The following IL1RAPL1 variants were observed in gnomAD, a reference collection of about 807,000 sequenced individuals.
IL1RAPL1 encodes interleukin 1 receptor accessory protein like 1.
Under a neutral mutation model 48.4 loss-of-function variants are expected in IL1RAPL1, and 3 were observed. The ratio of observed to expected loss-of-function variants is 0.06; its 90% CI spans 0.03 to 0.16. The LOEUF (loss-of-function observed/expected upper bound fraction) is 0.16. Among genes scored for constraint, IL1RAPL1 ranks in the 10% least tolerant of loss-of-function variants. The pLI, the probability that IL1RAPL1 is intolerant of heterozygous loss-of-function variation, is 1.00. For missense variants in IL1RAPL1, 349 were observed against 530.6 expected (o/e 0.66, Z 3.36); for synonymous variants, 185 against 187.7 (o/e 0.99, Z 0.12).
Position 29,956,372 on chromosome X carries a change from T to C in IL1RAPL1, c.*552T>C, listed in dbSNP as rs1933423350. 9.6e-6 allele frequency: 1 copy of C among 103,770 alleles called. No individual in the cohort carries two copies. Among genetic ancestry groups the C allele is most frequent in the Admixed American group, 1.0e-4 (1 of 9,605 alleles). The allele number at this position is 103,770 out of a possible 1,213,427, so 8.6% of individuals were successfully genotyped here. A position where few individuals can be genotyped will look rare whatever the true frequency, so the allele number is the denominator to read the frequency against. On this transcript the variant is annotated 3_prime_UTR_variant, in exon 11 of 11. Coordinates refer to ENST00000378993, the MANE Select transcript of IL1RAPL1 (RefSeq NM_014271.4). The stretch of plus-strand genomic sequence containing the variant: ...AAAAGATGAGAAGAACACTTGTTCA[T>C]AGGAGGGCCCCACCAGTCAGAGCCC...
intron 1 of IL1RAPL1, among the ~76,000 whole-genome samples, chrX:28,715,452 C>A (rs1362251446): frequency 8.9e-6 from 1 of 111,771 alleles, no homozygotes; most frequent in African/African-American, 3.3e-5. Flanking sequence ...TTAGAAAGAT[C>A]TCAAGTTAAC....
chrX:29,893,945 CTACG>C (rs1029696255), intron 6 of IL1RAPL1, among the ~76,000 whole-genome samples: 11 of 111,789 alleles, frequency 9.8e-5, no homozygotes, highest in African/African-American at 3.6e-4. Context: ...CCCAATGGTC[CTACG>C]TACTCTGGAA....
chrX:29,741,199 T>G (rs1928187769), intron 6 of IL1RAPL1, among the ~76,000 whole-genome samples: 1 of 112,691 alleles, frequency 8.9e-6, no homozygotes, highest in Non-Finnish European at 1.9e-5. Flanking sequence ...TGTGTTACTT[T>G]ATTCTTTTAG....
At chrX:29,491,904 A>G (rs911921173) in intron 5 of IL1RAPL1, among the ~76,000 whole-genome samples, 1 of 111,309 alleles carries the variant, frequency 9.0e-6, no homozygotes, top group African/African-American at 3.3e-5. Flanking sequence ...TAACTTTACT[A>G]TTTTCTAAAG....
chrX:29,775,980 A>G (rs760681467), intron 6 of IL1RAPL1, among the ~76,000 whole-genome samples: 10 of 110,579 alleles, frequency 9.0e-5, no homozygotes, highest in Admixed American at 2.9e-4. Context: ...TTTGCTCAAT[A>G]ATTTTTTTCT....
intron 2 of IL1RAPL1, among the ~76,000 whole-genome samples, chrX:28,880,470 A>G (rs1922475418): frequency 8.9e-6 from 1 of 112,637 alleles, no homozygotes; most frequent in East Asian, 2.8e-4. Context: ...GAACTCAGAA[A>G]TAACTACCTA....
chrX:29,127,828 G>A (rs1265883429), intron 2 of IL1RAPL1, among the ~76,000 whole-genome samples: 6 of 110,405 alleles, frequency 5.4e-5, no homozygotes, highest in Non-Finnish European at 1.1e-4. Context: ...AGCCAGGCAT[G>A]GTGGCGGGCG....
intron 1 of IL1RAPL1, among the ~76,000 whole-genome samples, chrX:28,636,375 C>T (rs764355733): frequency 1.8e-5 from 2 of 112,074 alleles, no homozygotes; most frequent in East Asian, 5.6e-4. Context: ...AATCAACATA[C>T]ATTCAATTTG....
intron 10 of IL1RAPL1, 27 bp downstream of exon 10, chrX:29,954,719 G>A (rs375296339): frequency 1.0e-4 from 112 of 1,106,780 alleles, no homozygotes; most frequent in South Asian, 1.5e-4. Flanking sequence ...ATTTGAGAGT[G>A]TGCATATTCA....
chrX:29,514,114 AATG>A (rs1247803703), intron 5 of IL1RAPL1, among the ~76,000 whole-genome samples: 1 of 111,664 alleles, frequency 9.0e-6, no homozygotes, highest in Non-Finnish European at 1.9e-5. Flanking sequence ...ACAAAAGAAA[AATG>A]ATAATGATCA....
chrX:29,482,550 C>T lies in IL1RAPL1; in HGVS notation c.703+83242C>T, dbSNP rs143603252. On this transcript the variant is annotated intron_variant, in intron 5 of 10. Coordinates refer to ENST00000378993, the MANE Select transcript of IL1RAPL1 (RefSeq NM_014271.4). Reference sequence around the variant, plus strand: ...AAGAAAAATCAAAGAATAGGATAAACAGTATTTTAAAACATGCTTTCTTAA... The same window carrying T: ...AAGAAAAATCAAAGAATAGGATAAATAGTATTTTAAAACATGCTTTCTTAA... Among the ~76,000 whole-genome samples the T allele has an allele frequency of 4.2e-3, 476 of 112,210 alleles. 4 individuals carry two copies. The highest frequency in any genetic ancestry group is 0.014 in the African/African-American group (442 of 30,956).
intron 2 of IL1RAPL1, among the ~76,000 whole-genome samples, chrX:28,861,057 C>T (rs1921931383): frequency 9.0e-6 from 1 of 110,881 alleles, no homozygotes; most frequent in South Asian, 3.8e-4. Flanking sequence ...AATAATACTA[C>T]TGAAAAAATA....
chrX:29,480,310 A>ATATATG (rs1434711270), intron 5 of IL1RAPL1, among the ~76,000 whole-genome samples: 3 of 101,348 alleles, frequency 3.0e-5, no homozygotes, highest in Non-Finnish European at 5.9e-5. Flanking sequence ...ATATATATAT[A>ATATATG]TATATATGCA....
chrX:29,722,714 A>G (rs112529208), intron 6 of IL1RAPL1, among the ~76,000 whole-genome samples: 2,944 of 111,537 alleles, frequency 0.026, 92 homozygotes, highest in African/African-American at 0.092. Flanking sequence ...GGCCTATTCA[A>G]ACTTTCTTGA....
At chrX:28,591,232 G>T (rs1234348010) in intron 1 of IL1RAPL1, among the ~76,000 whole-genome samples, 1 of 112,370 alleles carries the variant, frequency 8.9e-6, no homozygotes, top group Non-Finnish European at 1.9e-5. Flanking sequence ...CTTCAGCAAA[G>T]TAAGGAGATT....
intron 6 of IL1RAPL1, among the ~76,000 whole-genome samples, chrX:29,911,648 A>G (rs372262866): frequency 1.8e-5 from 2 of 112,095 alleles, no homozygotes; most frequent in Non-Finnish European, 3.8e-5. Flanking sequence ...AACTTTACTC[A>G]CTCATCAGTG....
At chrX:29,818,943 T>C (rs180875205) in intron 6 of IL1RAPL1, among the ~76,000 whole-genome samples, 40 of 111,949 alleles carry the variant, frequency 3.6e-4, no homozygotes, top group Admixed American at 2.9e-3. Flanking sequence ...GAGACAACCG[T>C]GGCTAATTCT....
At chrX:29,746,492 A>G (rs1182214732) in intron 6 of IL1RAPL1, among the ~76,000 whole-genome samples, 2 of 112,433 alleles carry the variant, frequency 1.8e-5, no homozygotes, top group African/African-American at 6.5e-5. Context: ...AGGGAAGCCA[A>G]AGAATTACCA....
chrX:29,556,624 G>A (rs934555145), intron 5 of IL1RAPL1, among the ~76,000 whole-genome samples: 8 of 105,179 alleles, frequency 7.6e-5, no homozygotes, highest in Admixed American at 4.0e-4. Context: ...CTCCAGCCTG[G>A]GCAACAAAGC....
Sources: gnomAD v4.1 joint callset for allele counts (sites outside exome capture counted in the v4.1 genomes callset) on GRCh38, gnomAD v4.1.1 for gene constraint, MANE v1.5 for transcripts, NCBI Gene and HGNC (gene_info 2026-07-23, HGNC 2026-07-21) for gene names.